APBA2: variants seen among roughly 807,000 people sequenced by gnomAD.
APBA2 encodes amyloid beta precursor protein binding family A member 2, also known as amyloid-beta A4 precursor protein-binding family A member 2.
Under a neutral mutation model 75.0 loss-of-function variants are expected in APBA2, and 30 were observed. That is an observed-to-expected ratio of 0.40 (90% CI 0.30 to 0.54). APBA2 has a LOEUF of 0.54. Ranked by LOEUF, APBA2 falls within the 20% of genes least tolerant of loss-of-function variation. APBA2 has a pLI of 0.49. For missense variants in APBA2, 801 were observed against 1,016.1 expected (o/e 0.79, Z 2.88); for synonymous variants, 444 against 409.6 (o/e 1.08, Z -1.01).
chr15:28,975,295 A>C (rs2037278559), intron 2 of APBA2, among the ~76,000 whole-genome samples: 1 of 152,206 alleles, frequency 6.6e-6, no homozygotes, highest in Admixed American at 6.5e-5. Flanking sequence ...TCTCAATGCT[A>C]CTTAAATTAT....
At position 29,044,885 on chromosome 15, in the gene APBA2, G is replaced by A. The variant is rs958443899; in HGVS notation, c.-40-8960G>A. Among the ~76,000 whole-genome samples, 6 of 152,278 alleles carry A rather than the reference G, an allele frequency of 3.9e-5. No individual in the cohort carries two copies. The East Asian group carries it at 9.7e-4, about 25-fold the overall frequency. On this transcript the variant is annotated intron_variant, in intron 3 of 14. Coordinates refer to ENST00000683413, the MANE Select transcript of APBA2 (RefSeq NM_001353788.2). ...ACATTTATTTCTCACAGCTCTGGAG[G>A]CTGGGAAGTCTGTGATCAAGGTATG...
chr15:28,974,830 TC>T (rs2037250744), intron 2 of APBA2, among the ~76,000 whole-genome samples: 1 of 152,106 alleles, frequency 6.6e-6, no homozygotes, highest in Non-Finnish European at 1.5e-5. Flanking sequence ...GGATTTATCA[TC>T]TAACTAAAAA....
chr15:29,086,570 AT>A (rs1255354122), intron 6 of APBA2, among the ~76,000 whole-genome samples: 2 of 152,212 alleles, frequency 1.3e-5, no homozygotes, highest in Non-Finnish European at 2.9e-5. Flanking sequence ...ATAATTTTGC[AT>A]TGGTTTTATT....
rs375590009 is a variant in APBA2 at position 28,996,620 on chromosome 15, G to A, written c.-41+814G>A. Among the ~76,000 whole-genome samples the A allele has an allele frequency of 1.6e-3, 240 of 152,320 alleles. 2 individuals are homozygous for A. The highest frequency in any genetic ancestry group is 6.8e-3 in the Middle Eastern group (2 of 292). ...GGGAAACTGGTGTACAGGGTGGGGCGTGTTTGGAGAACGAGGAGCAGAGGG... is the reference window on the plus strand; with the variant it reads ...GGGAAACTGGTGTACAGGGTGGGGCATGTTTGGAGAACGAGGAGCAGAGGG... On this transcript the variant is annotated intron_variant, in intron 3 of 14. Coordinates refer to ENST00000683413, the MANE Select transcript of APBA2 (RefSeq NM_001353788.2).
chr15:28,990,156 G>A (rs537537059), intron 2 of APBA2, among the ~76,000 whole-genome samples: 2 of 152,152 alleles, frequency 1.3e-5, no homozygotes, highest in Non-Finnish European at 2.9e-5. Flanking sequence ...CGCTGGGCGC[G>A]GTGGGCACTT....
At chr15:29,002,931 C>G (rs547862859) in intron 3 of APBA2, among the ~76,000 whole-genome samples, 1 of 152,194 alleles carries the variant, frequency 6.6e-6, no homozygotes, top group East Asian at 1.9e-4. Flanking sequence ...ATATACATTT[C>G]TGCGAGAGAG....
chr15:29,116,603 G>A (rs974140012), intron 14 of APBA2, among the ~76,000 whole-genome samples: 2 of 151,060 alleles, frequency 1.3e-5, no homozygotes, highest in Non-Finnish European at 3.0e-5. Flanking sequence ...ACTCCAGCCT[G>A]GGCGACAGAG....
chr15:28,943,726 GGCCCCGGCTCCTCCA>G (rs1445865871), intron 2 of APBA2, among the ~76,000 whole-genome samples: 18 of 151,438 alleles, frequency 1.2e-4, no homozygotes, highest in African/African-American at 2.2e-4. Context: ...GCTCATCGAT[GGCCCCGGCTCCTCCA>G]GCCCTGGCTC....
At position 28,886,056 on chromosome 15, in the gene APBA2, C is replaced by T. The variant is rs943068520; in HGVS notation, c.-427C>T. The T allele has an allele frequency of 4.7e-5, 7 of 149,010 alleles. No homozygotes were observed. Among genetic ancestry groups the T allele is most frequent in the Non-Finnish European group, 1.0e-4 (7 of 66,906 alleles). The allele number at this position is 149,010 out of a possible 1,614,324, so 9.2% of individuals were successfully genotyped here. ...CCGCAGGCCGGTGCGGGATGCGCCC[C>T]GCAGCCGCGCCGCGTGCGCCCGGCA... is the stretch of plus-strand genomic sequence containing the variant. On this transcript the variant is annotated 5_prime_UTR_variant, in exon 1 of 15. Transcript: ENST00000683413.
chr15:29,031,038 T>C (rs766180583), intron 3 of APBA2, among the ~76,000 whole-genome samples: 10 of 152,206 alleles, frequency 6.6e-5, no homozygotes, highest in Admixed American at 6.5e-4. Context: ...CTTTGTTGTT[T>C]ACATTCATTT....
intron 6 of APBA2, among the ~76,000 whole-genome samples, chr15:29,083,927 A>G (rs1376804549): frequency 6.6e-6 from 1 of 152,220 alleles, no homozygotes; most frequent in African/African-American, 2.4e-5. Context: ...TTTCTAGCCA[A>G]CAAAGGATTT....
chr15:28,944,528 T>C (rs1383921568), intron 2 of APBA2, among the ~76,000 whole-genome samples: 1 of 152,218 alleles, frequency 6.6e-6, no homozygotes, highest in Non-Finnish European at 1.5e-5. Context: ...CTCCTCGCAA[T>C]ACTGGCCACA....
intron 2 of APBA2, among the ~76,000 whole-genome samples, chr15:28,937,309 C>T (rs2034933743): frequency 6.6e-6 from 1 of 152,160 alleles, no homozygotes; most frequent in African/African-American, 2.4e-5. Context: ...GGAGGAAGGG[C>T]AATATCTAAG....
chr15:28,947,150 C>G (rs987534112), intron 2 of APBA2, among the ~76,000 whole-genome samples: 2 of 152,234 alleles, frequency 1.3e-5, no homozygotes, highest in Non-Finnish European at 2.9e-5. Context: ...AGCGCACTTG[C>G]AGCTCTTGGG....
chr15:29,078,594 G>C (rs752969380), intron 6 of APBA2, among the ~76,000 whole-genome samples: 52 of 145,404 alleles, frequency 3.6e-4, no homozygotes, highest in Non-Finnish European at 7.3e-4. Flanking sequence ...CTGGGCGGCA[G>C]AGCAAGACTC....
intron 3 of APBA2, among the ~76,000 whole-genome samples, chr15:29,016,132 C>G (rs1048215925): frequency 6.6e-6 from 1 of 152,146 alleles, no homozygotes; most frequent in Non-Finnish European, 1.5e-5. Flanking sequence ...TGGCGCATGC[C>G]TGTGATCCCA....
intron 3 of APBA2, among the ~76,000 whole-genome samples, chr15:29,024,849 G>A (rs934763060): frequency 3.3e-5 from 5 of 152,146 alleles, no homozygotes; most frequent in African/African-American, 1.2e-4. Flanking sequence ...TGCCCATGGT[G>A]AGTCAGAGGA....
At chr15:28,910,642 C>CGTT (rs1220184176) in intron 1 of APBA2, among the ~76,000 whole-genome samples, 1 of 152,178 alleles carries the variant, frequency 6.6e-6, no homozygotes, top group East Asian at 1.9e-4. Context: ...GAGCTCCCAC[C>CGTT]GTTCTCTTTT....
At chr15:29,006,520 A>C (rs893230217) in intron 3 of APBA2, among the ~76,000 whole-genome samples, 4 of 152,224 alleles carry the variant, frequency 2.6e-5, no homozygotes, top group African/African-American at 9.6e-5. Context: ...GACATACTCG[A>C]GACTGGGTAA....
Sources: allele counts gnomAD v4.1 joint callset (sites outside exome capture counted in the v4.1 genomes callset), GRCh38; gene constraint gnomAD v4.1.1; transcripts MANE v1.5; gene names NCBI Gene and HGNC (gene_info 2026-07-23, HGNC 2026-07-21).